SOX6: variants seen among roughly 807,000 people sequenced by gnomAD.
SOX6 encodes transcription factor SOX-6.
A neutral mutation model predicts 97.8 loss-of-function variants in SOX6; 11 were observed. That is an observed-to-expected ratio of 0.11 (90% CI 0.07 to 0.19). SOX6 has a LOEUF of 0.19. SOX6 is among the 10% of genes least tolerant of loss of function. The pLI is 1.00. For synonymous variants in SOX6, 360 were observed against 371.4 expected (o/e 0.97, Z 0.35); for missense variants, 810 against 1,039.5 (o/e 0.78, Z 3.04).
At chr11:16,583,640 C>A (rs572072206) in intron 4 of SOX6, among the ~76,000 whole-genome samples, 4 of 92,850 alleles carry the variant, frequency 4.3e-5, no homozygotes, top group African/African-American at 1.4e-4. Context: ...TATATATACA[C>A]ATACACACAC....
At chr11:16,164,519 C>T (rs180760456) in intron 6 of SOX6, among the ~76,000 whole-genome samples, 13 of 152,242 alleles carry the variant, frequency 8.5e-5, no homozygotes, top group East Asian at 7.7e-4. Flanking sequence ...GTCTCTCTGG[C>T]TCCTTTGAAA....
rs1236130645 is a variant in SOX6, at chr11:16,300,992, C to T, written c.445+17454G>A. 6.6e-6 allele frequency among the ~76,000 whole-genome samples: 1 copy of T among 152,048 alleles called. No homozygotes were observed. Among genetic ancestry groups the T allele is most frequent in the Non-Finnish European group, 1.5e-5 (1 of 67,990 alleles). ...TATTACATCTGAAACCACACAATAC[C>T]TTTTCTTTTTTCCCTCATCAACTTT... On this transcript the variant is annotated intron_variant, in intron 3 of 15. Transcript: ENST00000683767. This position sits in a 1 kb window ranked among gnomAD's most constrained non-coding sequence, Gnocchi z 4.1.
chr11:16,081,592 C>T (rs1382074607), intron 9 of SOX6, among the ~76,000 whole-genome samples: 1 of 152,062 alleles, frequency 6.6e-6, no homozygotes, highest in African/African-American at 2.4e-5. Context: ...ATATTTATGT[C>T]GCTATGCAGC....
chr11:16,557,731 A>G (rs1385078299), intron 4 of SOX6, among the ~76,000 whole-genome samples: 1 of 151,878 alleles, frequency 6.6e-6, no homozygotes, highest in African/African-American at 2.4e-5. Flanking sequence ...TGTAAATGAT[A>G]ATATCAGTAA....
At chr11:16,347,312 C>G (rs1349052265) in intron 1 of SOX6, among the ~76,000 whole-genome samples, 1 of 152,078 alleles carries the variant, frequency 6.6e-6, no homozygotes, top group Admixed American at 6.6e-5. Flanking sequence ...ATAATATGGT[C>G]TTCTCACAGT....
intron 6 of SOX6, among the ~76,000 whole-genome samples, chr11:16,132,401 A>AGAAAAAAG (rs34012369): frequency 4.6e-4 from 20 of 43,830 alleles, no homozygotes; most frequent in East Asian, 2.9e-3. Flanking sequence ...AAAGAAAGAA[A>AGAAAAAAG]AAAGAAAGAA....
intron 3 of SOX6, chr11:16,714,809 T>C (rs1283443194): frequency 6.6e-6 from 1 of 152,208 alleles, no homozygotes; most frequent in Admixed American, 6.5e-5. Flanking sequence ...TTGCTGCTCC[T>C]CATTAGAATA....
intron 1 of SOX6, among the ~76,000 whole-genome samples, chr11:16,390,296 G>A (rs1858131796): frequency 6.6e-6 from 1 of 152,054 alleles, no homozygotes; most frequent in Non-Finnish European, 1.5e-5. Context: ...CCTCATACTA[G>A]AAAGCTTGAA....
intron 9 of SOX6, among the ~76,000 whole-genome samples, chr11:16,088,030 C>T (rs534700983): frequency 2.8e-4 from 42 of 152,242 alleles, no homozygotes; most frequent in African/African-American, 9.9e-4. Context: ...CTGAAGACTG[C>T]TGTCTAGTAC....
intron 13 of SOX6, among the ~76,000 whole-genome samples, chr11:16,003,793 T>G (rs1854473306): frequency 6.6e-6 from 1 of 152,016 alleles, no homozygotes; most frequent in African/African-American, 2.4e-5. Flanking sequence ...AATAATAATT[T>G]TGATGTGGAA....
At chr11:16,365,285 C>CTGTGTG (rs35122849) in intron 1 of SOX6, among the ~76,000 whole-genome samples, 3,842 of 148,762 alleles carry the variant, frequency 0.026, 62 homozygotes, top group South Asian at 0.039. Context: ...CAGGGAAGTA[C>CTGTGTG]TGTGTGTGTG....
At chr11:16,266,008 G>A (rs1854074526) in intron 3 of SOX6, among the ~76,000 whole-genome samples, 1 of 151,534 alleles carries the variant, frequency 6.6e-6, no homozygotes, top group Admixed American at 6.6e-5. Context: ...TAAGGAGAGA[G>A]GAAGAAAAAA....
At chr11:16,587,970 C>T (rs7103094) in intron 4 of SOX6, among the ~76,000 whole-genome samples, 40,379 of 151,938 alleles carry the variant, frequency 0.27, 6,149 homozygotes, top group East Asian at 0.53. Flanking sequence ...ACACTTCCTT[C>T]CTTTCTAAAG....
chr11:16,450,753 T>C (rs1314110544), intron 1 of SOX6, among the ~76,000 whole-genome samples: 1 of 152,212 alleles, frequency 6.6e-6, no homozygotes, highest in Non-Finnish European at 1.5e-5. Flanking sequence ...GATATGATGC[T>C]TAAATGATCT....
chr11:16,136,842 A>G (rs953937271), intron 6 of SOX6, among the ~76,000 whole-genome samples: 4 of 152,170 alleles, frequency 2.6e-5, no homozygotes, highest in Admixed American at 2.6e-4. Flanking sequence ...AATGTCCCTG[A>G]GGTATGCCTA....
intron 3 of SOX6, chr11:16,314,333 A>G (rs1855700697): frequency 6.6e-6 from 1 of 152,076 alleles, no homozygotes; most frequent in Non-Finnish European, 1.5e-5. Context: ...TTCATTCTCC[A>G]AGACCAACTA....
At chr11:16,553,240 T>C (rs898003925) in intron 4 of SOX6, among the ~76,000 whole-genome samples, 74 of 152,312 alleles carry the variant, frequency 4.9e-4, no homozygotes, top group African/African-American at 1.8e-3. Context: ...AACATTTGCT[T>C]GAACGGTACT....
intron 4 of SOX6, among the ~76,000 whole-genome samples, chr11:16,497,252 G>A (rs1478906130): frequency 2.0e-5 from 3 of 152,098 alleles, no homozygotes; most frequent in Non-Finnish European, 4.4e-5. Flanking sequence ...CTGCAGATGA[G>A]GGTCCTAACT....
At chr11:16,272,127 C>T in intron 3 of SOX6, among the ~76,000 whole-genome samples, 1 of 151,182 alleles carries the variant, frequency 6.6e-6, no homozygotes, top group Non-Finnish European at 1.5e-5. Context: ...TTTTTCTTTT[C>T]TTAATTTCCA....
Sources: allele counts gnomAD v4.1 joint callset (sites outside exome capture counted in the v4.1 genomes callset), GRCh38; gene constraint gnomAD v4.1.1; non-coding constraint Gnocchi (gnomAD v3.1); transcripts MANE v1.5; gene names NCBI Gene and HGNC (gene_info 2026-07-23, HGNC 2026-07-21).